The following RASA3 variants were observed in gnomAD, a reference collection of about 807,000 sequenced individuals.
RASA3 encodes RAS p21 protein activator 3.
In RASA3, 73 loss-of-function variants were observed where a neutral mutation model predicts 110.0. The observed-to-expected ratio is 0.66, with a 90% confidence interval of 0.55 to 0.81. The LOEUF is 0.81. Among genes scored for constraint, RASA3 ranks in the 30% least tolerant of loss-of-function variants. The pLI is 0.00. For synonymous variants in RASA3, 500 were observed against 451.4 expected (o/e 1.11, Z -1.37); for missense variants, 976 against 1,113.2 (o/e 0.88, Z 1.75).
intron 1 of RASA3, among the ~76,000 whole-genome samples, chr13:114,104,067 G>A (rs191233948): frequency 2.5e-4 from 5 of 19,900 alleles, no homozygotes; most frequent in South Asian, 2.6e-3. Context: ...CCACGGCCAC[G>A]GACACCCACC....
chr13:114,024,659 C>T (rs895621823), intron 7 of RASA3, among the ~76,000 whole-genome samples: 6 of 152,262 alleles, frequency 3.9e-5, no homozygotes, highest in South Asian at 4.1e-4. Flanking sequence ...CCTAAATGTC[C>T]GTCACCTGCG....
At chr13:113,981,599 C>CCTGCAG in intron 23 of RASA3, 76 bp downstream of exon 23, 1 of 1,526,308 alleles carries the variant, frequency 6.6e-7, no homozygotes, top group South Asian at 1.2e-5. Context: ...CCGGGAGCTC[C>CCTGCAG]CTGCAGCCCC....
intron 21 of RASA3, among the ~76,000 whole-genome samples, chr13:113,995,159 G>A (rs2053203025): frequency 6.6e-6 from 1 of 152,234 alleles, no homozygotes; most frequent in Admixed American, 6.5e-5. Flanking sequence ...GGCCTGGAAG[G>A]AAGCCTCCTG....
intron 2 of RASA3, among the ~76,000 whole-genome samples, chr13:114,053,195 C>G (rs1357512429): frequency 6.6e-6 from 1 of 152,254 alleles, no homozygotes; most frequent in Non-Finnish European, 1.5e-5. Context: ...GGGAGAGGAC[C>G]CCGCTGCTGA....
At chr13:114,030,484 G>GGCAAGACTCACGCAGAGA (rs2054137160) in intron 4 of RASA3, among the ~76,000 whole-genome samples, 2 of 130,418 alleles carry the variant, frequency 1.5e-5, no homozygotes, top group African/African-American at 6.5e-5. Context: ...TCACACAGAG[G>GGCAAGACTCACGCAGAGA]GCAAGACTCA....
chr13:114,091,865 C>T (rs549720705), intron 1 of RASA3, among the ~76,000 whole-genome samples: 5 of 152,088 alleles, frequency 3.3e-5, no homozygotes, highest in South Asian at 2.1e-4. Flanking sequence ...CTGATTTCTA[C>T]GTCTGTTCAG....
intron 19 of RASA3, 72 bp from the exon 20 acceptor site, chr13:113,999,739 G>A: frequency 7.9e-7 from 1 of 1,270,008 alleles, no homozygotes; most frequent in Non-Finnish European, 1.1e-6. Flanking sequence ...GGGCTGAGGG[G>A]TCTCTGCCGG....
chr13:114,102,069 C>T (rs1333173879), intron 1 of RASA3, among the ~76,000 whole-genome samples: 5 of 152,212 alleles, frequency 3.3e-5, no homozygotes, highest in Non-Finnish European at 7.3e-5. Context: ...CAGCCTTGAG[C>T]GGAGACCCCC....
At chr13:114,089,776 C>T (rs373983821) in intron 1 of RASA3, among the ~76,000 whole-genome samples, 21 of 152,248 alleles carry the variant, frequency 1.4e-4, no homozygotes, top group South Asian at 6.2e-4. Flanking sequence ...TCACGATTGA[C>T]GCGAGCATTT....
intron 9 of RASA3, among the ~76,000 whole-genome samples, chr13:114,021,011 C>G (rs1038294190): frequency 9.2e-5 from 14 of 151,846 alleles, no homozygotes; most frequent in Non-Finnish European, 1.5e-5. Context: ...GAGCTGCTCA[C>G]AGCTCAGGGT....
chr13:114,012,802 A>G (rs2053668397), intron 15 of RASA3, among the ~76,000 whole-genome samples: 1 of 68,224 alleles, frequency 1.5e-5, no homozygotes, highest in Non-Finnish European at 2.7e-5. Context: ...CAGTCCACGC[A>G]CTCCACACAC....
chr13:114,005,013 CAG>C (rs2053483400), intron 18 of RASA3, among the ~76,000 whole-genome samples: 1 of 152,186 alleles, frequency 6.6e-6, no homozygotes, highest in Non-Finnish European at 1.5e-5. Context: ...GGAGATGACT[CAG>C]AGACGAAAAG....
At position 114,023,927 on chromosome 13, in the gene RASA3, C is replaced by A. The variant is rs188718280; in HGVS notation, c.680+352G>T. ...CGGTCAGGGCCAGGCGTCGTGCTGA[C>A]CCGCCAGGCCCTGCGACCTCTGAGT... On this transcript the variant is annotated intron_variant, in intron 8 of 23. Transcript: ENST00000334062. 5.7e-3 allele frequency among the ~76,000 whole-genome samples: 872 copies of A among 152,274 alleles called. 1 individual carries two copies. Among genetic ancestry groups the A allele is most frequent in the African/African-American group, 0.017 (695 of 41,568 alleles).
At chr13:114,132,382 G>A (rs1405779020) in intron 1 of RASA3, 53 bp downstream of exon 1, 4 of 1,448,870 alleles carry the variant, frequency 2.8e-6, no homozygotes, top group South Asian at 1.4e-5. Context: ...GGGCGCGGGA[G>A]AGGACAGGGT....
chr13:114,090,608 C>T (rs1438498848), intron 1 of RASA3, among the ~76,000 whole-genome samples: 2 of 152,178 alleles, frequency 1.3e-5, no homozygotes, highest in African/African-American at 4.8e-5. Flanking sequence ...GTTCACATTG[C>T]CCACACTGGA....
chr13:114,004,644 G>C (rs2053474740), intron 18 of RASA3, among the ~76,000 whole-genome samples: 1 of 152,238 alleles, frequency 6.6e-6, no homozygotes, highest in Non-Finnish European at 1.5e-5. Context: ...AAAAATGACA[G>C]ACGCTGCAGA....
chr13:114,107,071 G>T (rs1283065872), intron 1 of RASA3, among the ~76,000 whole-genome samples: 2 of 152,216 alleles, frequency 1.3e-5, no homozygotes. Flanking sequence ...GGCCACATCT[G>T]GATCAGATGT....
At chr13:113,991,625 A>G (rs1293801829) in intron 22 of RASA3, among the ~76,000 whole-genome samples, 1 of 152,224 alleles carries the variant, frequency 6.6e-6, no homozygotes, top group Non-Finnish European at 1.5e-5. Context: ...TGCTATTTCA[A>G]TTCTGTAAAG....
intron 23 of RASA3, among the ~76,000 whole-genome samples, chr13:113,981,318 T>C (rs1458573244): frequency 1.3e-5 from 2 of 152,156 alleles, no homozygotes; most frequent in African/African-American, 4.8e-5. Context: ...CCTGGAGAGA[T>C]GCCAGAGGGT....
Sources: allele counts gnomAD v4.1 joint callset (sites outside exome capture counted in the v4.1 genomes callset), GRCh38; gene constraint gnomAD v4.1.1; transcripts MANE v1.5; gene names NCBI Gene and HGNC (gene_info 2026-07-23, HGNC 2026-07-21).